Variants in PALM2AKAP2 observed in about 807,000 individuals in gnomAD.
The protein encoded by PALM2AKAP2 is PALM2-AKAP2 fusion protein.
PALM2AKAP2 carries 37 observed loss-of-function variants against 71.5 expected under a neutral mutation model. That is an observed-to-expected ratio of 0.52 (90% CI 0.40 to 0.68). The LOEUF (loss-of-function observed/expected upper bound fraction) is 0.68. Ranked by LOEUF, PALM2AKAP2 falls within the 30% of genes least tolerant of loss-of-function variation. The probability of loss-of-function intolerance (pLI) is 0.00; values close to 1 mark genes in which losing one functional copy is unlikely to be tolerated. For missense variants in PALM2AKAP2, 1,224 were observed against 1,191.8 expected (o/e 1.03, Z -0.40); for synonymous variants, 468 against 478.8 (o/e 0.98, Z 0.29).
At chr9:109,959,233 A>G (rs1277875230) in intron 6 of PALM2AKAP2, among the ~76,000 whole-genome samples, 2 of 152,208 alleles carry the variant, frequency 1.3e-5, no homozygotes, top group Non-Finnish European at 2.9e-5. Flanking sequence ...TGCTCCATGA[A>G]TGTCCAGTGT....
At chr9:110,143,325 G>A (rs1011906374) in intron 2 of PALM2AKAP2, among the ~76,000 whole-genome samples, 3 of 148,396 alleles carry the variant, frequency 2.0e-5, no homozygotes, top group African/African-American at 5.0e-5. Flanking sequence ...GGGAAGCTGA[G>A]GCAAGAAGTT....
intron 1 of PALM2AKAP2, among the ~76,000 whole-genome samples, chr9:109,674,742 A>G (rs1587862969): frequency 6.6e-6 from 1 of 152,164 alleles, no homozygotes; most frequent in Non-Finnish European, 1.5e-5. Context: ...TGGCTTGTTT[A>G]TTTGTTTTAA....
intron 1 of PALM2AKAP2, among the ~76,000 whole-genome samples, chr9:109,832,000 T>G (rs1828314165): frequency 6.6e-6 from 1 of 152,198 alleles, no homozygotes; most frequent in Non-Finnish European, 1.5e-5. Context: ...AAATATTTCC[T>G]TTTGAGGGGG....
rs77734730 is a variant in PALM2AKAP2 at position 109,823,749 on chromosome 9, G to A, written c.45+43216G>A. ...GAGATACTGGCCCATTTCCTAGCAG[G>A]ATTATCTGTGTTTGTCTGGGGGTGA... On this transcript the variant is annotated intron_variant, in intron 1 of 9. Coordinates refer to the PALM2AKAP2 transcript ENST00000302798. Among the ~76,000 whole-genome samples, 849 of 152,310 alleles carry A rather than the reference G, an allele frequency of 5.6e-3. 3 individuals carry two copies. The highest frequency in any genetic ancestry group is 0.01 in the Non-Finnish European group (690 of 68,018).
intron 3 of PALM2AKAP2, among the ~76,000 whole-genome samples, chr9:109,914,676 C>T (rs1308086694): frequency 6.6e-6 from 1 of 152,230 alleles, no homozygotes; most frequent in Non-Finnish European, 1.5e-5. Flanking sequence ...GCCAGTTGGT[C>T]AGCATCTCCT....
intron 3 of PALM2AKAP2, among the ~76,000 whole-genome samples, chr9:109,898,204 C>T (rs1004446215): frequency 3.9e-5 from 6 of 152,162 alleles, no homozygotes; most frequent in Admixed American, 2.6e-4. Flanking sequence ...CAGTGGTACC[C>T]TATTCACCTT....
At chr9:110,096,972 A>G (rs1834861912) in intron 1 of PALM2AKAP2, among the ~76,000 whole-genome samples, 1 of 143,630 alleles carries the variant, frequency 7.0e-6, no homozygotes, top group South Asian at 2.2e-4. Context: ...TATTTTTTTT[A>G]TTGATCATTC....
chr9:109,841,395 T>C (rs1421886486), intron 1 of PALM2AKAP2, among the ~76,000 whole-genome samples: 1 of 146,976 alleles, frequency 6.8e-6, no homozygotes, highest in Non-Finnish European at 1.5e-5. Context: ...AGGGATAGCA[T>C]TAGGAGATAT....
intron 1 of PALM2AKAP2, among the ~76,000 whole-genome samples, chr9:109,774,175 G>T (rs7022225): frequency 0.51 from 78,107 of 152,048 alleles, 22,569 homozygotes; most frequent in African/African-American, 0.78. Context: ...CCAAGCTGAC[G>T]GAGCACATCG....
At chr9:109,942,294 C>T (rs1334058391) in intron 6 of PALM2AKAP2, among the ~76,000 whole-genome samples, 1 of 152,146 alleles carries the variant, frequency 6.6e-6, no homozygotes, top group African/African-American at 2.4e-5. Flanking sequence ...AATTTTGGAC[C>T]TGGAACACAT....
chr9:110,172,092 C>G (rs1439677296), exon 4 of PALM2AKAP2: 2 of 152,636 alleles, frequency 1.3e-5, no homozygotes, highest in East Asian at 3.9e-4. Flanking sequence ...AACACTAAAA[C>G]AGTGTTGATT....
chr9:110,094,553 G>C (rs1009642892), intron 1 of PALM2AKAP2, among the ~76,000 whole-genome samples: 1 of 152,144 alleles, frequency 6.6e-6, no homozygotes, highest in African/African-American at 2.4e-5. Flanking sequence ...GGAAGGCAAA[G>C]GGGGAGTGAG....
chr9:109,849,679 C>T (rs1016381694), intron 1 of PALM2AKAP2, among the ~76,000 whole-genome samples: 2 of 152,054 alleles, frequency 1.3e-5, no homozygotes, highest in Admixed American at 1.3e-4. Flanking sequence ...TCACTTGAAC[C>T]CGGGAGGCGA....
chr9:109,845,272 G>A (rs1247376043), intron 1 of PALM2AKAP2, among the ~76,000 whole-genome samples: 1 of 152,190 alleles, frequency 6.6e-6, no homozygotes, highest in Admixed American at 6.5e-5. Context: ...TCACCTTTTA[G>A]CTAAGAGCTA....
intron 1 of PALM2AKAP2, among the ~76,000 whole-genome samples, chr9:110,057,336 A>G (rs1056018334): frequency 6.6e-6 from 1 of 150,430 alleles, no homozygotes; most frequent in African/African-American, 2.4e-5. Context: ...ACATAATGTC[A>G]GGTCAGTTTT....
chr9:110,097,505 C>A (rs1335775277), intron 1 of PALM2AKAP2, among the ~76,000 whole-genome samples: 18 of 152,152 alleles, frequency 1.2e-4, no homozygotes, highest in Non-Finnish European at 2.9e-5. Flanking sequence ...GGCAGAGACG[C>A]TCCTCACATC....
At chr9:110,048,574 A>AGGGGAGGGT, upstream of PALM2AKAP2, 1 of 834,782 alleles carries the variant, frequency 1.2e-6, no homozygotes, top group Non-Finnish European at 1.6e-6. Context: ...GAGGGGAGGG[A>AGGGGAGGGT]GGGGCGGTCC....
Position 109,746,298 on chromosome 9 carries a change from T to C in PALM2AKAP2, c.6-34190T>C, listed in dbSNP as rs190140088. On this transcript the variant is annotated intron_variant, in intron 1 of 6. Transcript: ENST00000374531. Reference sequence around the variant, plus strand: ...TAATGAATTTGGGAATGCCAACAGGTTTGGAGGAATAGGAGTCACTTAGAA... The same window carrying C: ...TAATGAATTTGGGAATGCCAACAGGCTTGGAGGAATAGGAGTCACTTAGAA... 3.1e-3 allele frequency among the ~76,000 whole-genome samples: 465 copies of C among 152,314 alleles called. 4 individuals carry two copies. The highest frequency in any genetic ancestry group is 0.011 in the African/African-American group (447 of 41,550).
intron 7 of PALM2AKAP2, among the ~76,000 whole-genome samples, chr9:110,021,364 T>G (rs1456271764): frequency 6.6e-6 from 1 of 152,156 alleles, no homozygotes; most frequent in African/African-American, 2.4e-5. Flanking sequence ...TCCTGACACC[T>G]TGAATTGGAA....
Sources: gnomAD v4.1 joint callset for allele counts (sites outside exome capture counted in the v4.1 genomes callset) on GRCh38, gnomAD v4.1.1 for gene constraint, MANE v1.5 for transcripts, NCBI Gene and HGNC (gene_info 2026-07-23, HGNC 2026-07-21) for gene names.